NCOR1: variants seen among roughly 807,000 people sequenced by gnomAD.
NCOR1 encodes nuclear receptor corepressor 1, also known as protein phosphatase 1, regulatory subunit 109.
Under a neutral mutation model 288.1 loss-of-function variants are expected in NCOR1, and 63 were observed. That is an observed-to-expected ratio of 0.22 (90% CI 0.18 to 0.27). The LOEUF is 0.27. Ranked by LOEUF, NCOR1 falls within the 10% of genes least tolerant of loss-of-function variation. The probability of loss-of-function intolerance (pLI) is 1.00; values close to 1 mark genes in which losing one functional copy is unlikely to be tolerated. For synonymous variants in NCOR1, 1,007 were observed against 1,065.9 expected (o/e 0.94, Z 1.08); for missense variants, 2,397 against 3,019.2 (o/e 0.79, Z 4.83).
intron 1 of NCOR1, 70 bp downstream of exon 1, chr17:16,215,292 G>A (rs1472925797): frequency 5.1e-6 from 2 of 389,548 alleles, no homozygotes; most frequent in Non-Finnish European, 9.1e-6. Context: ...TGCTGCCCCG[G>A]GAGCCCTCGG....
At chr17:16,115,796 A>G (rs1336597290) in intron 18 of NCOR1, among the ~76,000 whole-genome samples, 1 of 151,978 alleles carries the variant, frequency 6.6e-6, no homozygotes, top group East Asian at 1.9e-4. Flanking sequence ...ACATTTCCAC[A>G]TTTTCCTGTC....
intron 23 of NCOR1, among the ~76,000 whole-genome samples, chr17:16,082,102 G>A (rs2063497958): frequency 6.6e-6 from 1 of 152,008 alleles, no homozygotes; most frequent in Admixed American, 6.6e-5. Flanking sequence ...AGACTTCAGT[G>A]GCTACACACA....
At chr17:16,102,062 GAAC>G (rs1344849304) in intron 19 of NCOR1, among the ~76,000 whole-genome samples, 1 of 152,044 alleles carries the variant, frequency 6.6e-6, no homozygotes, top group Non-Finnish European at 1.5e-5. Flanking sequence ...GAAAAAGAAC[GAAC>G]AATAAAACTA....
At chr17:16,134,636 C>T (rs1398032962) in intron 14 of NCOR1, among the ~76,000 whole-genome samples, 1 of 152,144 alleles carries the variant, frequency 6.6e-6, no homozygotes, top group African/African-American at 2.4e-5. Context: ...AAAGAAACGA[C>T]TGTTTCAGAA....
chr17:16,034,670 C>A, intron 45 of NCOR1, 95 bp downstream of exon 45: 1 of 1,157,072 alleles, frequency 8.6e-7, no homozygotes, highest in South Asian at 1.5e-5. Flanking sequence ...TATAGGTTTC[C>A]AAATTAGAAG....
chr17:16,181,505 G>A (rs947078380), intron 3 of NCOR1, among the ~76,000 whole-genome samples: 1 of 151,872 alleles, frequency 6.6e-6, no homozygotes, highest in Non-Finnish European at 1.5e-5. Context: ...GCAGATGTGT[G>A]GGATGAACAA....
At chr17:16,072,565 G>A (rs1769917975) in intron 28 of NCOR1, among the ~76,000 whole-genome samples, 2 of 152,162 alleles carry the variant, frequency 1.3e-5, no homozygotes, top group South Asian at 4.1e-4. Context: ...ATATACTTGT[G>A]ATAAAGGGAA....
rs78485646 is a variant in NCOR1 at position 16,197,712 on chromosome 17, G to A, written c.-70-3073C>T. 3.7e-3 allele frequency among the ~76,000 whole-genome samples: 568 copies of A among 152,282 alleles called. 23 individuals are homozygous for A. The East Asian group carries it at 0.098, about 26-fold the overall frequency. ...TAGGAGGAGCTGAGATGTTCAGTGA[G>A]AGCACACATTAAAACCACCTGAGGA... is the stretch of plus-strand genomic sequence containing the variant. On this transcript the variant is annotated intron_variant, in intron 1 of 45. Coordinates refer to ENST00000268712, the MANE Select transcript of NCOR1 (RefSeq NM_006311.4).
intron 3 of NCOR1, among the ~76,000 whole-genome samples, chr17:16,177,718 T>A (rs896395035): frequency 2.6e-5 from 4 of 152,146 alleles, no homozygotes; most frequent in Admixed American, 2.0e-4. Flanking sequence ...TTCTGGCTCA[T>A]CACTTTACAG....
At chr17:16,068,172 A>G (rs1567812447) in intron 31 of NCOR1, 51 bp from the exon 32 acceptor site, 1 of 1,383,186 alleles carries the variant, frequency 7.2e-7, no homozygotes, top group Non-Finnish European at 1.0e-6. Context: ...TGCAAGTATG[A>G]TAATATTTGT....
chr17:16,146,318 AAG>A (rs2077999175), intron 10 of NCOR1, 56 bp downstream of exon 10: 1 of 1,500,098 alleles, frequency 6.7e-7, no homozygotes, highest in African/African-American at 1.4e-5. Flanking sequence ...TTTTAAAAAA[AAG>A]AAACAATAAA....
chr17:16,148,686 A>AC (rs929214335), intron 9 of NCOR1, among the ~76,000 whole-genome samples: 6 of 150,222 alleles, frequency 4.0e-5, no homozygotes, highest in Non-Finnish European at 7.4e-5. Flanking sequence ...AAAAAAAAAA[A>AC]AAAACAACTC....
At chr17:16,046,597 TGAG>T (rs1426790317) in intron 42 of NCOR1, among the ~76,000 whole-genome samples, 8 of 152,140 alleles carry the variant, frequency 5.3e-5, no homozygotes, top group African/African-American at 1.9e-4. Context: ...TTCAAATATC[TGAG>T]GAGATGTTAT....
chr17:16,034,681 A>G, intron 45 of NCOR1, 84 bp downstream of exon 45: 4 of 1,209,616 alleles, frequency 3.3e-6, no homozygotes, highest in Non-Finnish European at 3.5e-6. Flanking sequence ...AAATTAGAAG[A>G]GTTGCTGAAT....
intron 2 of NCOR1, among the ~76,000 whole-genome samples, chr17:16,189,982 C>G (rs778224075): frequency 6.6e-5 from 10 of 152,150 alleles, no homozygotes; most frequent in Non-Finnish European, 1.3e-4. Context: ...CCTATAATCC[C>G]AGCACTTTAG....
chr17:16,119,985 A>AAAAAC (rs917191086), intron 16 of NCOR1, among the ~76,000 whole-genome samples: 15 of 152,170 alleles, frequency 9.9e-5, no homozygotes, highest in South Asian at 8.3e-4. Flanking sequence ...GCTTCAGGAA[A>AAAAAC]AAAACAAAAC....
At chr17:16,118,324 G>C (rs1338512050) in intron 17 of NCOR1, among the ~76,000 whole-genome samples, 1 of 152,094 alleles carries the variant, frequency 6.6e-6, no homozygotes, top group Non-Finnish European at 1.5e-5. Context: ...ATTAGTAATA[G>C]CTCAAATACT....
At chr17:16,180,675 G>A (rs1600075141) in intron 3 of NCOR1, among the ~76,000 whole-genome samples, 4 of 152,192 alleles carry the variant, frequency 2.6e-5, no homozygotes, top group African/African-American at 9.6e-5. Flanking sequence ...TTGAGCCTGG[G>A]AGGTCCAGGC....
At chr17:16,116,807 C>T (rs146348492) in intron 18 of NCOR1, among the ~76,000 whole-genome samples, 90 of 152,270 alleles carry the variant, frequency 5.9e-4, no homozygotes, top group African/African-American at 2.0e-3. Flanking sequence ...ACTTTTACTG[C>T]GTCATCAAGG....
Sources: allele counts gnomAD v4.1 joint callset (sites outside exome capture counted in the v4.1 genomes callset), GRCh38; gene constraint gnomAD v4.1.1; transcripts MANE v1.5; gene names NCBI Gene and HGNC (gene_info 2026-07-23, HGNC 2026-07-21).